The following PLCB1 variants were observed in gnomAD, a reference collection of about 807,000 sequenced individuals.
PLCB1 encodes phospholipase C beta 1.
A neutral mutation model predicts 161.8 loss-of-function variants in PLCB1; 46 were observed. The ratio of observed to expected loss-of-function variants is 0.28; its 90% confidence interval spans 0.22 to 0.36. The LOEUF is 0.36. Among genes scored for constraint, PLCB1 ranks in the 10% least tolerant of loss-of-function variants. The pLI, the probability that PLCB1 is intolerant of heterozygous loss-of-function variation, is 1.00. For synonymous variants in PLCB1, 517 were observed against 503.7 expected, an observed-to-expected ratio of 1.03 and a Z score of -0.35; for missense variants, 1,016 against 1,472.5, an observed-to-expected ratio of 0.69 and a Z score of 5.07.
intron 31 of PLCB1, among the ~76,000 whole-genome samples, chr20:8,806,592 C>T (rs187823862): frequency 2.1e-4 from 32 of 152,236 alleles, no homozygotes; most frequent in Non-Finnish European, 4.1e-4. Flanking sequence ...CATTCCTCCT[C>T]TTAAGTCTGT....
At chr20:8,383,905 C>T (rs113955637) in intron 3 of PLCB1, among the ~76,000 whole-genome samples, 5 of 152,268 alleles carry the variant, frequency 3.3e-5, no homozygotes, top group East Asian at 3.9e-4. Context: ...TGGTCTGATG[C>T]GCTTCCCTTT....
intron 7 of PLCB1, among the ~76,000 whole-genome samples, chr20:8,650,229 G>GT (rs1989277016): frequency 6.6e-6 from 1 of 151,936 alleles, no homozygotes; most frequent in African/African-American, 2.4e-5. Context: ...CTCAACTCTG[G>GT]TGGTGGGGTA....
intron 3 of PLCB1, among the ~76,000 whole-genome samples, chr20:8,540,701 C>T (rs1379550267): frequency 6.6e-6 from 1 of 150,550 alleles, no homozygotes; most frequent in East Asian, 2.2e-4. Context: ...TGATGAGAGA[C>T]AGGATTAAGG....
chr20:8,511,967 C>T (rs1983911150), intron 3 of PLCB1, among the ~76,000 whole-genome samples: 1 of 152,048 alleles, frequency 6.6e-6, no homozygotes, highest in Admixed American at 6.5e-5. Flanking sequence ...TTTTCTCTCG[C>T]TCTGGGTTGT....
intron 31 of PLCB1, among the ~76,000 whole-genome samples, chr20:8,869,263 C>A (rs2327119): frequency 0.3 from 45,530 of 151,846 alleles, 7,755 homozygotes; most frequent in East Asian, 0.65. Flanking sequence ...CATTTTTGTA[C>A]AATCAAAATT....
chr20:8,525,306 T>C (rs1031315523), intron 3 of PLCB1, among the ~76,000 whole-genome samples: 1 of 151,984 alleles, frequency 6.6e-6, no homozygotes, highest in Non-Finnish European at 1.5e-5. Flanking sequence ...AAACCTGACC[T>C]TGGGAGAAAG....
At chr20:8,684,214 T>G (rs1303044510) in intron 9 of PLCB1, among the ~76,000 whole-genome samples, 2 of 149,594 alleles carry the variant, frequency 1.3e-5, no homozygotes, top group Non-Finnish European at 3.0e-5. Flanking sequence ...TTTTAAATAA[T>G]AAAACCACTT....
intron 3 of PLCB1, among the ~76,000 whole-genome samples, chr20:8,594,632 G>C (rs959588506): frequency 6.6e-6 from 1 of 151,832 alleles, no homozygotes; most frequent in African/African-American, 2.4e-5. Flanking sequence ...ACTCATTGTA[G>C]TGTCTTTTTG....
At chr20:8,291,084 C>A (rs115029231) in intron 2 of PLCB1, among the ~76,000 whole-genome samples, 1 of 149,620 alleles carries the variant, frequency 6.7e-6, no homozygotes, top group African/African-American at 2.5e-5. Flanking sequence ...CCCCATCAAA[C>A]TGAAAATTGA....
At chr20:8,339,535 G>A (rs1985720124) in intron 2 of PLCB1, among the ~76,000 whole-genome samples, 1 of 152,190 alleles carries the variant, frequency 6.6e-6, no homozygotes, top group Admixed American at 6.5e-5. Context: ...CATGCAGACT[G>A]GCTGTGTTAC....
chr20:8,500,283 G>A (rs972655353), intron 3 of PLCB1, among the ~76,000 whole-genome samples: 1 of 152,044 alleles, frequency 6.6e-6, no homozygotes, highest in African/African-American at 2.4e-5. Flanking sequence ...TATACCATAC[G>A]AATTGGTCTC....
At chr20:8,229,471 ACATG>A (rs1979889360) in intron 2 of PLCB1, among the ~76,000 whole-genome samples, 1 of 152,176 alleles carries the variant, frequency 6.6e-6, no homozygotes, top group African/African-American at 2.4e-5. Context: ...GCCAGTACTC[ACATG>A]CAGATGTTTA....
chr20:8,844,389 C>T (rs1022180763), intron 31 of PLCB1, among the ~76,000 whole-genome samples: 1 of 152,118 alleles, frequency 6.6e-6, no homozygotes, highest in Non-Finnish European at 1.5e-5. Context: ...GAAAAGTCAT[C>T]GTATAAGCAA....
intron 3 of PLCB1, among the ~76,000 whole-genome samples, chr20:8,468,612 T>C (rs1965291838): frequency 6.6e-6 from 1 of 152,160 alleles, no homozygotes; most frequent in African/African-American, 2.4e-5. Context: ...TCAAAACATT[T>C]CCTGCTTTTT....
At position 8,683,617 on chromosome 20, in the gene PLCB1, T is replaced by A. The variant is rs542854254; in HGVS notation, c.863-1315T>A. Among the ~76,000 whole-genome samples the A allele has an allele frequency of 1.6e-4, 25 of 152,266 alleles. No individual in the cohort carries two copies. The East Asian group carries it at 3.3e-3, about 20-fold the overall frequency. ...TGTACACCTTAAATATGTAGTTTTT[T>A]AAATTATACCTCAATAAAGTTGACA... On this transcript the variant is annotated intron_variant, in intron 9 of 31. Coordinates refer to ENST00000338037, the MANE Select transcript of PLCB1 (RefSeq NM_015192.4).
At chr20:8,347,940 C>G (rs537017680) in intron 2 of PLCB1, among the ~76,000 whole-genome samples, 1 of 151,802 alleles carries the variant, frequency 6.6e-6, no homozygotes, top group East Asian at 1.9e-4. Flanking sequence ...CCACTGCACT[C>G]CAGCCTGGGT....
At chr20:8,148,293 A>G (rs1299896662) in intron 1 of PLCB1, among the ~76,000 whole-genome samples, 2 of 152,136 alleles carry the variant, frequency 1.3e-5, no homozygotes, top group Non-Finnish European at 2.9e-5. Flanking sequence ...ATGCAATCTC[A>G]TGAAAGAAGC....
chr20:8,188,675 A>G (rs1486428674), intron 2 of PLCB1, among the ~76,000 whole-genome samples: 1 of 152,114 alleles, frequency 6.6e-6, no homozygotes, highest in Admixed American at 6.6e-5. Context: ...ATTTTCGTCC[A>G]TGTTTGTAAT....
At chr20:8,419,594 T>C (rs918243477) in intron 3 of PLCB1, among the ~76,000 whole-genome samples, 1 of 152,236 alleles carries the variant, frequency 6.6e-6, no homozygotes, top group South Asian at 2.1e-4. Context: ...TCTCCCCAAC[T>C]GTAGGCTAAT....
Sources: allele counts gnomAD v4.1 joint callset (sites outside exome capture counted in the v4.1 genomes callset), GRCh38; gene constraint gnomAD v4.1.1; transcripts MANE v1.5; gene names NCBI Gene and HGNC (gene_info 2026-07-23, HGNC 2026-07-21).